The following RBM47 variants were observed in gnomAD, a reference collection of about 807,000 sequenced individuals.
RBM47 encodes RNA-binding protein 47.
Under a neutral mutation model 47.1 loss-of-function variants are expected in RBM47, and 21 were observed. The ratio of observed to expected loss-of-function variants is 0.45; its 90% CI spans 0.32 to 0.64. The LOEUF is 0.64. RBM47 is among the 30% of genes least tolerant of loss of function. The pLI, the probability that RBM47 is intolerant of heterozygous loss-of-function variation, is 0.05. For missense variants in RBM47, 708 were observed against 870.9 expected (o/e 0.81, Z 2.35); for synonymous variants, 375 against 361.7 (o/e 1.04, Z -0.42).
chr4:40,548,854 C>G (rs138344045), intron 1 of RBM47, among the ~76,000 whole-genome samples: 10 of 152,002 alleles, frequency 6.6e-5, no homozygotes, highest in Middle Eastern at 3.4e-3. Flanking sequence ...TTAGCCGAGA[C>G]AGGGTTTCAC....
intron 2 of RBM47, among the ~76,000 whole-genome samples, chr4:40,481,477 A>ATTT (rs1363896021): frequency 6.1e-5 from 7 of 115,046 alleles, no homozygotes; most frequent in African/African-American, 1.1e-4. Flanking sequence ...TATTATTATT[A>ATTT]TTATTATTAT....
chr4:40,589,544 C>G (rs572636182), intron 1 of RBM47, among the ~76,000 whole-genome samples: 233 of 152,294 alleles, frequency 1.5e-3, no homozygotes, highest in African/African-American at 5.2e-3. Flanking sequence ...TCAAGCCATT[C>G]TCCTGCCTCA....
intron 1 of RBM47, among the ~76,000 whole-genome samples, chr4:40,611,415 CA>C (rs1258489717): frequency 6.6e-6 from 1 of 152,056 alleles, no homozygotes; most frequent in Non-Finnish European, 1.5e-5. Context: ...TGTTGCTACT[CA>C]AAAGAAAACA....
chr4:40,539,386 C>A (rs1467855364), intron 2 of RBM47, among the ~76,000 whole-genome samples: 2 of 152,030 alleles, frequency 1.3e-5, no homozygotes, highest in East Asian at 3.9e-4. Flanking sequence ...TACCTGAAGT[C>A]TTAACTGGGT....
At chr4:40,464,087 A>C (rs1717584845) in intron 3 of RBM47, among the ~76,000 whole-genome samples, 1 of 152,232 alleles carries the variant, frequency 6.6e-6, no homozygotes, top group Non-Finnish European at 1.5e-5. Flanking sequence ...TCTATTTATA[A>C]TACAATGCAA....
Position 40,438,800 on chromosome 4 carries a change from C to G in RBM47, c.94G>C (p.Glu32Gln), listed in dbSNP as rs769063588. 3 of 1,545,606 alleles carry G rather than the reference C, an allele frequency of 1.9e-6. No homozygotes were observed. Among genetic ancestry groups the G allele is most frequent in the East Asian group, 2.4e-5 (1 of 41,598 alleles). ...TCCATCAGCGCCAGCAGTGCTGCCTCGTTGGGCGCGCCCGCCACGCCCTCG... is the reference window on the plus strand; with the variant it reads ...TCCATCAGCGCCAGCAGTGCTGCCTGGTTGGGCGCGCCCGCCACGCCCTCG... ...VPEGVAGAPNEAALLALMERT... is the reference protein window; with the variant it reads ...VPEGVAGAPNQAALLALMERT... The change falls in exon 4 of 7, where the codon GAG becomes CAG. Residue 32 changes from glutamate to glutamine, a missense_variant. By Grantham distance (29) the Glu-to-Gln change is conservative (BLOSUM62 2). Transcript: ENST00000295971.
At chr4:40,527,199 T>C (rs1234686064) in intron 2 of RBM47, among the ~76,000 whole-genome samples, 1 of 152,168 alleles carries the variant, frequency 6.6e-6, no homozygotes, top group Non-Finnish European at 1.5e-5. Context: ...CTTGGCTCAC[T>C]GCAACCTCCA....
At chr4:40,520,688 A>G (rs894688778) in intron 2 of RBM47, among the ~76,000 whole-genome samples, 3 of 152,234 alleles carry the variant, frequency 2.0e-5, no homozygotes, top group Non-Finnish European at 4.4e-5. Context: ...ACCCCTTTAG[A>G]GGACTTCAAA....
At chr4:40,568,710 T>C (rs958844715) in intron 1 of RBM47, among the ~76,000 whole-genome samples, 1 of 151,770 alleles carries the variant, frequency 6.6e-6, no homozygotes, top group Non-Finnish European at 1.5e-5. Context: ...TAAAACACAG[T>C]AGAAGGTCTT....
At chr4:40,597,991 G>A (rs931023459) in intron 1 of RBM47, among the ~76,000 whole-genome samples, 4 of 152,168 alleles carry the variant, frequency 2.6e-5, no homozygotes, top group Admixed American at 2.0e-4. Context: ...CCAACTGCTA[G>A]CCTAACTCCA....
intron 3 of RBM47, among the ~76,000 whole-genome samples, chr4:40,453,252 T>A (rs1715729294): frequency 6.6e-6 from 1 of 152,176 alleles, no homozygotes; most frequent in Non-Finnish European, 1.5e-5. Context: ...CCATATAAGA[T>A]TGTTCAGCCC....
At chr4:40,630,828 G>C (rs528910919), upstream of RBM47, 9 of 152,172 alleles carry the variant, frequency 5.9e-5, no homozygotes, top group Admixed American at 2.0e-4. Context: ...GGAGCGCTAA[G>C]CCTGTTTGTA....
At chr4:40,561,521 A>C (rs1054947934) in intron 1 of RBM47, among the ~76,000 whole-genome samples, 7 of 146,924 alleles carry the variant, frequency 4.8e-5, no homozygotes, top group Non-Finnish European at 1.0e-4. Flanking sequence ...ACTGTGCCCA[A>C]CTTCTTTTTT....
chr4:40,428,190 T>C (rs997045706), intron 6 of RBM47, among the ~76,000 whole-genome samples: 6 of 134,300 alleles, frequency 4.5e-5, no homozygotes, highest in Non-Finnish European at 9.6e-5. Flanking sequence ...TGAGACCTTG[T>C]CTCAAACAAA....
At position 40,424,854 on chromosome 4, in the gene RBM47, C is replaced by T. The variant is rs563636481; in HGVS notation, c.*1050G>A. On this transcript the variant is annotated 3_prime_UTR_variant, in exon 7 of 7. Transcript: ENST00000295971. Reference sequence around the variant, plus strand: ...AAATGAATAAAAGCATTAGAAATGGCATTAAAGTTTTACATTGGGCAATTA... The same window carrying T: ...AAATGAATAAAAGCATTAGAAATGGTATTAAAGTTTTACATTGGGCAATTA... The T allele has an allele frequency of 6.6e-6, 1 of 152,168 alleles. No individual in the cohort carries two copies. The highest frequency in any genetic ancestry group is 2.4e-5 in the African/African-American group (1 of 41,522). 9.4% of individuals were successfully genotyped at this position (152,168 alleles called of 1,614,324 possible). A position where few individuals can be genotyped will look rare whatever the true frequency, so the allele number is the denominator to read the frequency against.
chr4:40,576,203 T>A (rs1277764005), intron 1 of RBM47, among the ~76,000 whole-genome samples: 1 of 149,178 alleles, frequency 6.7e-6, no homozygotes, highest in African/African-American at 2.5e-5. Flanking sequence ...GATTATGCCC[T>A]TTCTTCAGCC....
At chr4:40,559,742 G>A (rs549911693) in intron 1 of RBM47, among the ~76,000 whole-genome samples, 5 of 152,030 alleles carry the variant, frequency 3.3e-5, no homozygotes, top group Non-Finnish European at 7.4e-5. Context: ...TTGTTTTTGC[G>A]AAGTCAGGCC....
At position 40,486,312 on chromosome 4, in the gene RBM47, T is replaced by C. The variant is rs142963121; in HGVS notation, c.-154-19613A>G. Among the ~76,000 whole-genome samples the C allele has an allele frequency of 2.2e-4, 33 of 152,264 alleles. No individual in the cohort carries two copies. In the East Asian group the frequency reaches 6.4e-3, roughly 29 times the overall value. ...CATTAAAGAGCCAATTTCCTTAATATGCCAGAGTGCTTCCGTATCAACAAA... is the reference window on the plus strand; with the variant it reads ...CATTAAAGAGCCAATTTCCTTAATACGCCAGAGTGCTTCCGTATCAACAAA... On this transcript the variant is annotated intron_variant, in intron 2 of 6. Transcript: ENST00000295971.
chr4:40,493,568 G>A (rs530073806), intron 2 of RBM47, among the ~76,000 whole-genome samples: 1 of 152,294 alleles, frequency 6.6e-6, no homozygotes, highest in Admixed American at 6.5e-5. Context: ...CAGATCACCT[G>A]AGGTCAGGAG....
Sources: allele counts gnomAD v4.1 joint callset (sites outside exome capture counted in the v4.1 genomes callset), GRCh38; gene constraint gnomAD v4.1.1; transcripts MANE v1.5; gene names NCBI Gene and HGNC (gene_info 2026-07-23, HGNC 2026-07-21).